Variants in DNAJC24 observed in about 807,000 individuals in gnomAD.
DNAJC24 encodes the protein DnaJ heat shock protein family (Hsp40) member C24.
DNAJC24 carries 17 observed loss-of-function variants against 18.0 expected under a neutral mutation model. The observed-to-expected ratio is 0.94, with a 90% confidence interval of 0.65 to 1.42. The LOEUF is 1.42. DNAJC24 is among the 40% of genes most tolerant of loss of function. The pLI, the probability that DNAJC24 is intolerant of heterozygous loss-of-function variation, is 0.00. For missense variants in DNAJC24, 158 were observed against 175.6 expected (o/e 0.90, Z 0.57); for synonymous variants, 55 against 57.7 (o/e 0.95, Z 0.21).
intron 4 of DNAJC24, chr11:31,428,072 A>C (rs528154128): frequency 6.6e-6 from 1 of 151,954 alleles, no homozygotes; most frequent in East Asian, 1.9e-4. Flanking sequence ...AGGAAGAAAC[A>C]ATATGGCTTA....
chr11:31,420,754 G>C (rs1271895639), intron 3 of DNAJC24, among the ~76,000 whole-genome samples: 1 of 152,052 alleles, frequency 6.6e-6, no homozygotes, highest in African/African-American at 2.4e-5. Context: ...TTGATCGGGG[G>C]GGAATTCAAA....
intron 3 of DNAJC24, among the ~76,000 whole-genome samples, chr11:31,422,867 G>A (rs746556414): frequency 2.6e-5 from 4 of 152,034 alleles, no homozygotes; most frequent in Admixed American, 6.6e-5. Context: ...GAGGGAATTT[G>A]CTGTTGCCCC....
chr11:31,398,218 C>CT (rs1398447880), intron 2 of DNAJC24, among the ~76,000 whole-genome samples: 3,085 of 149,134 alleles, frequency 0.021, 96 homozygotes, highest in African/African-American at 0.071. Context: ...TTCTTTTACT[C>CT]TTTTTTTTTT....
intron 3 of DNAJC24, among the ~76,000 whole-genome samples, chr11:31,420,749 C>G (rs1048256708): frequency 5.3e-5 from 8 of 151,892 alleles, no homozygotes; most frequent in African/African-American, 1.9e-4. Flanking sequence ...AGTAGTTGAT[C>G]GGGGGGGAAT....
chr11:31,386,293 C>T (rs184350003), intron 2 of DNAJC24, among the ~76,000 whole-genome samples: 1 of 151,894 alleles, frequency 6.6e-6, no homozygotes, highest in African/African-American at 2.4e-5. Context: ...TGCATCAACC[C>T]TCCCCCAACC....
At chr11:31,405,374 A>ATT (rs34856586) in intron 2 of DNAJC24, among the ~76,000 whole-genome samples, 10 of 134,380 alleles carry the variant, frequency 7.4e-5, no homozygotes, top group Admixed American at 7.3e-5. Flanking sequence ...CCAGCCAGGA[A>ATT]TTTTTTTTTT....
intron 2 of DNAJC24, among the ~76,000 whole-genome samples, chr11:31,407,702 A>T (rs377218749): frequency 0.085 from 8,943 of 105,228 alleles, 274 homozygotes; most frequent in African/African-American, 0.12. Flanking sequence ...AAAAAAAAAA[A>T]AAAAATATAT....
At chr11:31,412,942 C>T (rs573162706) in intron 2 of DNAJC24, among the ~76,000 whole-genome samples, 1 of 152,298 alleles carries the variant, frequency 6.6e-6, no homozygotes, top group Non-Finnish European at 1.5e-5. Flanking sequence ...TTAAGTAAAA[C>T]TTACATACAT....
intron 2 of DNAJC24, among the ~76,000 whole-genome samples, chr11:31,378,651 A>G (rs1044866686): frequency 6.6e-6 from 1 of 152,102 alleles, no homozygotes; most frequent in Non-Finnish European, 1.5e-5. Context: ...TTACCTTTCC[A>G]GTGGTTTTTT....
At chr11:31,422,808 C>A (rs1217935484) in intron 3 of DNAJC24, among the ~76,000 whole-genome samples, 1 of 151,984 alleles carries the variant, frequency 6.6e-6, no homozygotes, top group Admixed American at 6.6e-5. Context: ...AAAAAAAACA[C>A]ATTGATTTGT....
chr11:31,411,620 A>ATC (rs749360048), intron 2 of DNAJC24, among the ~76,000 whole-genome samples: 2 of 152,066 alleles, frequency 1.3e-5, no homozygotes, highest in Middle Eastern at 3.4e-3. Context: ...AGCATTTCAG[A>ATC]TCTCTCTCTC....
intron 3 of DNAJC24, among the ~76,000 whole-genome samples, chr11:31,419,497 G>C (rs1952783241): frequency 6.6e-6 from 1 of 151,954 alleles, no homozygotes; most frequent in African/African-American, 2.4e-5. Context: ...TGTATTTTAG[G>C]ATCATTTCTC....
chr11:31,379,981 G>A (rs957690016), intron 2 of DNAJC24, among the ~76,000 whole-genome samples: 3 of 152,034 alleles, frequency 2.0e-5, no homozygotes, highest in African/African-American at 7.2e-5. Context: ...TGTTAGCCAA[G>A]CTGGTCTTGA....
chr11:31,404,165 T>C (rs917888298), intron 2 of DNAJC24, among the ~76,000 whole-genome samples: 2 of 152,148 alleles, frequency 1.3e-5, no homozygotes, highest in Non-Finnish European at 2.9e-5. Flanking sequence ...GCAACCTGTT[T>C]TATCAGTGAG....
At chr11:31,426,670 G>T in intron 4 of DNAJC24, 1 of 201,076 alleles carries the variant, frequency 5.0e-6, no homozygotes, top group Non-Finnish European at 9.9e-6. Flanking sequence ...TAGTATTGTA[G>T]TATGGTAAAT....
At chr11:31,413,917 C>T (rs932034385) in intron 2 of DNAJC24, among the ~76,000 whole-genome samples, 8 of 151,906 alleles carry the variant, frequency 5.3e-5, no homozygotes, top group African/African-American at 1.9e-4. Context: ...ACATATTGAT[C>T]CTTTCAGAAC....
chr11:31,394,142 T>C (rs934059134), intron 2 of DNAJC24, among the ~76,000 whole-genome samples: 5 of 152,176 alleles, frequency 3.3e-5, no homozygotes, highest in Non-Finnish European at 7.3e-5. Context: ...ATTCTTGCTC[T>C]TAGGAACACT....
chr11:31,402,750 T>C (rs1264401801), intron 2 of DNAJC24, among the ~76,000 whole-genome samples: 1 of 152,172 alleles, frequency 6.6e-6, no homozygotes. Context: ...CCTCAAGTGA[T>C]CCTCCTGCCT....
intron 4 of DNAJC24, chr11:31,427,891 A>G (rs913035384): frequency 4.0e-5 from 6 of 151,404 alleles, no homozygotes; most frequent in African/African-American, 1.5e-4. Flanking sequence ...GAGTTTGGAG[A>G]ATCGCAGAGG....
Sources: gnomAD v4.1 joint callset for allele counts (sites outside exome capture counted in the v4.1 genomes callset) on GRCh38, gnomAD v4.1.1 for gene constraint, MANE v1.5 for transcripts, NCBI Gene and HGNC (gene_info 2026-07-23, HGNC 2026-07-21) for gene names.